THADA: variants seen among roughly 807,000 people sequenced by gnomAD.
THADA encodes THADA armadillo repeat containing, also known as tRNA (32-2'-O)-methyltransferase regulator THADA.
A neutral mutation model predicts 219.8 loss-of-function variants in THADA; 213 were observed. The ratio of observed to expected loss-of-function variants is 0.97; its 90% CI spans 0.87 to 1.09. The LOEUF (loss-of-function observed/expected upper bound fraction) is 1.09. Among genes scored for constraint, THADA ranks in the 50% least tolerant of loss-of-function variants. THADA has a pLI of 0.00. For synonymous variants in THADA, 1,018 were observed against 828.9 expected (o/e 1.23, Z -3.92); for missense variants, 2,956 against 2,311.3 (o/e 1.28, Z -5.72).
chr2:43,373,291 C>T (rs983868732), intron 29 of THADA, among the ~76,000 whole-genome samples: 9 of 152,000 alleles, frequency 5.9e-5, no homozygotes, highest in Admixed American at 1.3e-4. Flanking sequence ...AAACAAAAAG[C>T]CCAACATTTT....
intron 15 of THADA, chr2:43,566,262 C>G (rs1343286270): frequency 2.0e-6 from 1 of 488,294 alleles, no homozygotes; most frequent in African/African-American, 2.0e-5. Context: ...CTTTCCGAAA[C>G]CAGACTGAGG....
At position 43,574,761 on chromosome 2, in the gene THADA, G is replaced by A. The variant is rs771146349; in HGVS notation, c.1304C>T (p.Pro435Leu). Residue 435 changes from proline to leucine, a missense_variant, in exon 11 of 38, where the codon CCT (proline) becomes CTT (leucine). Transcript: ENST00000405975. ...TVEGADFVPD[P>L]FFVELTESLL... ...ACTCTCAGTCAATTCCACAAAGAAA[G>A]GATCAGGGACGAAATCTGCACCTTC... 1.2e-6 allele frequency: 2 copies of A among 1,614,002 alleles called. No homozygotes were observed. The highest frequency in any genetic ancestry group is 8.5e-7 in the Non-Finnish European group (1 of 1,179,896).
chr2:43,574,801 G>C lies in THADA; in HGVS notation c.1264C>G (p.His422Asp), dbSNP rs747104937. Residue 422 changes from histidine to aspartate, a missense_variant, in exon 11 of 38, where the codon CAC becomes GAC. Coordinates refer to ENST00000405975, the MANE Select transcript of THADA (RefSeq NM_022065.5). The stretch of plus-strand genomic sequence containing the variant: ...TCTGCACCTTCCACAGTGAGCCGGT[G>C]CATTTGGAGAAGGTTTTTGAACATG... ...KIMFKNLLQM[H>D]RLTVEGADFV... The C allele has an allele frequency of 3.1e-6, 5 of 1,613,902 alleles. No homozygotes were observed. The African/African-American group carries it at 6.7e-5, about 22-fold the overall frequency.
At chr2:43,381,164 G>A (rs892686419) in intron 29 of THADA, among the ~76,000 whole-genome samples, 1 of 147,732 alleles carries the variant, frequency 6.8e-6, no homozygotes, top group African/African-American at 2.5e-5. Context: ...GCATGTCAAA[G>A]GCACCCAGGA....
intron 29 of THADA, among the ~76,000 whole-genome samples, chr2:43,369,029 C>T (rs181167094): frequency 6.6e-6 from 1 of 152,336 alleles, no homozygotes; most frequent in Non-Finnish European, 1.5e-5. Context: ...ATACTGCTGA[C>T]CTACTTGATC....
intron 30 of THADA, among the ~76,000 whole-genome samples, chr2:43,326,630 A>G (rs991051192): frequency 2.0e-5 from 3 of 152,192 alleles, no homozygotes; most frequent in African/African-American, 7.2e-5. Flanking sequence ...CAAGACTAGA[A>G]AGATGGCCAG....
At chr2:43,432,820 C>G (rs557188267) in intron 26 of THADA, among the ~76,000 whole-genome samples, 13 of 152,138 alleles carry the variant, frequency 8.5e-5, no homozygotes, top group Non-Finnish European at 1.8e-4. Context: ...TTATTATGAC[C>G]CTTTGTGAAG....
intron 26 of THADA, among the ~76,000 whole-genome samples, chr2:43,439,439 G>A (rs1680570014): frequency 6.6e-6 from 1 of 152,166 alleles, no homozygotes; most frequent in Admixed American, 6.5e-5. Flanking sequence ...ATTCTGCCCA[G>A]GATGTGAATC....
intron 26 of THADA, among the ~76,000 whole-genome samples, chr2:43,443,864 C>A (rs17030800): frequency 0.11 from 16,809 of 152,194 alleles, 1,067 homozygotes; most frequent in African/African-American, 0.16. Context: ...ACTTGCCTAG[C>A]ACAAAGCATA....
chr2:43,549,567 T>A (rs151278574), intron 19 of THADA, among the ~76,000 whole-genome samples, 199 bp from the exon 20 acceptor site: 2,682 of 152,290 alleles, frequency 0.018, 47 homozygotes, highest in Non-Finnish European at 0.026. Flanking sequence ...AATATGGCAA[T>A]TTAGACTGAA....
At chr2:43,397,546 G>A (rs1674231782) in intron 29 of THADA, among the ~76,000 whole-genome samples, 1 of 152,070 alleles carries the variant, frequency 6.6e-6, no homozygotes, top group East Asian at 1.9e-4. Flanking sequence ...CTGTGCCACA[G>A]GGCAAACTCT....
chr2:43,325,607 A>T (rs1171818451), intron 30 of THADA, among the ~76,000 whole-genome samples: 1 of 152,042 alleles, frequency 6.6e-6, no homozygotes, highest in Non-Finnish European at 1.5e-5. Flanking sequence ...CAGAAGAAGA[A>T]GGGAGAAAAG....
At chr2:43,318,461 T>C (rs1343100932) in intron 31 of THADA, among the ~76,000 whole-genome samples, 1 of 152,232 alleles carries the variant, frequency 6.6e-6, no homozygotes, top group Non-Finnish European at 1.5e-5. Context: ...TACAAAATTA[T>C]TGAGGAATTT....
chr2:43,427,017 C>T (rs143957365), intron 28 of THADA, among the ~76,000 whole-genome samples: 2,096 of 152,150 alleles, frequency 0.014, 40 homozygotes, highest in African/African-American at 0.044. Flanking sequence ...AGATGTAACA[C>T]AAGAAGTGGT....
chr2:43,405,702 T>C (rs1363235373), intron 28 of THADA, among the ~76,000 whole-genome samples: 1 of 152,198 alleles, frequency 6.6e-6, no homozygotes, highest in Non-Finnish European at 1.5e-5. Context: ...TTAAAAATCC[T>C]TGGTTTGGGT....
At chr2:43,450,904 TAG>T (rs1233733683) in intron 26 of THADA, among the ~76,000 whole-genome samples, 1 of 152,142 alleles carries the variant, frequency 6.6e-6, no homozygotes, top group African/African-American at 2.4e-5. Context: ...GTCAAATTCA[TAG>T]AGACAGAAAG....
chr2:43,405,702 T>A (rs1363235373), intron 28 of THADA, among the ~76,000 whole-genome samples: 5 of 152,198 alleles, frequency 3.3e-5, no homozygotes, highest in African/African-American at 1.2e-4. Flanking sequence ...TTAAAAATCC[T>A]TGGTTTGGGT....
Position 43,521,535 on chromosome 2 carries a change from G to A in THADA, c.3374+6344C>T, listed in dbSNP as rs543284415. Among the ~76,000 whole-genome samples, 33 of 152,224 alleles carry A rather than the reference G, an allele frequency of 2.2e-4. No individual in the cohort carries two copies. The South Asian group carries it at 2.5e-3, about 11-fold the overall frequency. Reference sequence around the variant, plus strand: ...TGCACCACTGCACTCCAGCCTGGGCGACAGAGCAAGACTCCAGCTCAAAAA... The same window carrying A: ...TGCACCACTGCACTCCAGCCTGGGCAACAGAGCAAGACTCCAGCTCAAAAA... On this transcript the variant is annotated intron_variant, in intron 22 of 37. Transcript: ENST00000405975.
chr2:43,556,157 T>G (rs1056047979), intron 17 of THADA, 188 bp downstream of exon 17: 1 of 1,240,112 alleles, frequency 8.1e-7, no homozygotes, highest in Non-Finnish European at 1.1e-6. Flanking sequence ...ATAAATCCAC[T>G]GTTTAGAAAA....
Sources: gnomAD v4.1 joint callset for allele counts (sites outside exome capture counted in the v4.1 genomes callset) on GRCh38, gnomAD v4.1.1 for gene constraint, MANE v1.5 for transcripts, NCBI Gene and HGNC (gene_info 2026-07-23, HGNC 2026-07-21) for gene names.